Variants in LRP1B observed in about 807,000 individuals in gnomAD.
The protein encoded by LRP1B is low-density lipoprotein receptor-related protein 1B.
A neutral mutation model predicts 556.6 loss-of-function variants in LRP1B; 217 were observed. The observed-to-expected ratio is 0.39, with a 90% confidence interval of 0.35 to 0.44. The LOEUF is 0.44. Among genes scored for constraint, LRP1B ranks in the 20% least tolerant of loss-of-function variants. The pLI is 1.00. For synonymous variants in LRP1B, 2,047 were observed against 1,865.8 expected (o/e 1.10, Z -2.50); for missense variants, 5,053 against 5,620.8 (o/e 0.90, Z 3.23).
intron 1 of LRP1B, among the ~76,000 whole-genome samples, chr2:141,816,729 C>A (rs1206755592): frequency 1.3e-5 from 2 of 152,040 alleles, no homozygotes; most frequent in African/African-American, 4.8e-5. Context: ...AATACACCAC[C>A]CATCCTCAAT....
At chr2:141,100,144 C>G (rs1484802056) in intron 7 of LRP1B, among the ~76,000 whole-genome samples, 1 of 152,090 alleles carries the variant, frequency 6.6e-6, no homozygotes, top group African/African-American at 2.4e-5. Flanking sequence ...GATGTGAAAC[C>G]TAATATACCA....
chr2:141,107,535 A>G lies in LRP1B; in HGVS notation c.1014-45262T>C, dbSNP rs1031697742. Among the ~76,000 whole-genome samples the G allele has an allele frequency of 5.1e-4, 78 of 152,242 alleles. 1 individual carries two copies. The highest frequency in any genetic ancestry group is 1.6e-3 in the African/African-American group (66 of 41,544). ...GTGGTGTGTACCTGTAGTCCCAGCT[A>G]CTTGGGAGGCTGAAGCAGGAGAATT... On this transcript the variant is annotated intron_variant, in intron 7 of 90. Transcript: ENST00000389484.
At chr2:141,752,175 T>C (rs1434755215) in intron 2 of LRP1B, among the ~76,000 whole-genome samples, 2 of 152,190 alleles carry the variant, frequency 1.3e-5, no homozygotes, top group East Asian at 3.8e-4. Context: ...ACTAATTTTA[T>C]ATTTAATGGC....
intron 7 of LRP1B, among the ~76,000 whole-genome samples, chr2:141,082,463 A>G (rs1052321462): frequency 2.6e-5 from 4 of 152,246 alleles, no homozygotes; most frequent in African/African-American, 4.8e-5. Context: ...ATCAGAATAC[A>G]TGACTCTCTG....
chr2:140,927,458 T>G (rs1470278358), intron 20 of LRP1B, among the ~76,000 whole-genome samples: 1 of 152,170 alleles, frequency 6.6e-6, no homozygotes, highest in African/African-American at 2.4e-5. Flanking sequence ...TGTACCATTT[T>G]TAACTTCTTG....
intron 43 of LRP1B, among the ~76,000 whole-genome samples, chr2:140,585,231 C>T (rs897829759): frequency 2.0e-5 from 3 of 151,948 alleles, no homozygotes; most frequent in Non-Finnish European, 2.9e-5. Context: ...CAAGAATTAA[C>T]GTTTTAACTC....
chr2:141,893,789 C>A (rs1409899452), intron 1 of LRP1B, among the ~76,000 whole-genome samples: 1 of 152,256 alleles, frequency 6.6e-6, no homozygotes. Context: ...ACTCTGTTTA[C>A]TTTGAATGAA....
At chr2:140,593,396 C>T (rs1010653208) in intron 43 of LRP1B, among the ~76,000 whole-genome samples, 26 of 152,124 alleles carry the variant, frequency 1.7e-4, no homozygotes, top group African/African-American at 6.0e-4. Context: ...GTCTTAGCCC[C>T]TGTCAACATG....
rs1036505 is a variant in LRP1B at position 141,746,933 on chromosome 2, G to A, written c.205+63346C>T. Among the ~76,000 whole-genome samples, 644 of 151,888 alleles carry A rather than the reference G, an allele frequency of 4.2e-3. 5 individuals are homozygous for A. Among genetic ancestry groups the A allele is most frequent in the African/African-American group, 0.015 (618 of 41,454 alleles). On this transcript the variant is annotated intron_variant, in intron 2 of 90. Coordinates refer to ENST00000389484, the MANE Select transcript of LRP1B (RefSeq NM_018557.3). Reference sequence around the variant, plus strand: ...GCTTGCAAATAACAATGACTCTAACGGCATCAGAGTTTGCTTAAAAGCATC... The same window carrying A: ...GCTTGCAAATAACAATGACTCTAACAGCATCAGAGTTTGCTTAAAAGCATC...
intron 2 of LRP1B, among the ~76,000 whole-genome samples, chr2:141,665,570 T>G (rs1355948545): frequency 6.6e-6 from 1 of 152,200 alleles, no homozygotes; most frequent in Non-Finnish European, 1.5e-5. Context: ...GCAATCCCAT[T>G]GCTGATTTAT....
rs775505022 is a variant in LRP1B at position 140,700,437 on chromosome 2, A to G, written c.6612T>C (p.Asp2204=). Residue 2204 remains aspartate, a synonymous_variant, in exon 41 of 91, where the codon GAT becomes GAC. Coordinates refer to ENST00000389484, the MANE Select transcript of LRP1B (RefSeq NM_018557.3). The stretch of plus-strand genomic sequence containing the variant: ...TTATTGGGGAATTTAAATTGGTTTC[A>G]TCAGAAAGATGTATACTTTTTAATA... ...RTILKSIHLS[D]ETNLNSPIRP... is the part of the protein sequence containing the mutation. 6.2e-7 allele frequency: 1 copy of G among 1,613,330 alleles called. No homozygotes were observed. Among genetic ancestry groups the G allele is most frequent in the African/African-American group, 1.3e-5 (1 of 75,006 alleles).
intron 89 of LRP1B, among the ~76,000 whole-genome samples, chr2:140,235,399 T>C (rs1233825079): frequency 6.6e-6 from 1 of 151,178 alleles, no homozygotes; most frequent in East Asian, 2.0e-4. Flanking sequence ...GATTGCACCA[T>C]GCATATATCA....
chr2:140,341,155 A>G (rs1314712787), intron 77 of LRP1B, among the ~76,000 whole-genome samples: 1 of 151,642 alleles, frequency 6.6e-6, no homozygotes, highest in Non-Finnish European at 1.5e-5. Context: ...GTGTTCTTAT[A>G]TCTCAGTGTC....
At chr2:141,976,797 T>G (rs990389638) in intron 1 of LRP1B, among the ~76,000 whole-genome samples, 2 of 151,988 alleles carry the variant, frequency 1.3e-5, no homozygotes, top group African/African-American at 4.8e-5. Flanking sequence ...AAAAGGAGGA[T>G]GTGTAGGAGA....
chr2:141,497,579 G>A (rs559247382), intron 2 of LRP1B, among the ~76,000 whole-genome samples: 190 of 152,008 alleles, frequency 1.2e-3, no homozygotes, highest in Non-Finnish European at 2.4e-3. Context: ...AAGAAATCAG[G>A]CGATGATAGA....
intron 3 of LRP1B, among the ~76,000 whole-genome samples, chr2:141,283,971 A>G (rs945288748): frequency 2.0e-5 from 3 of 152,204 alleles, no homozygotes; most frequent in Admixed American, 1.3e-4. Context: ...GGAAGAGTAG[A>G]TGAGGTCACA....
At chr2:141,896,915 G>T (rs1699471208) in intron 1 of LRP1B, among the ~76,000 whole-genome samples, 1 of 152,058 alleles carries the variant, frequency 6.6e-6, no homozygotes, top group Non-Finnish European at 1.5e-5. Flanking sequence ...CCTGTCTCTT[G>T]ATAAGTTGAT....
intron 18 of LRP1B, among the ~76,000 whole-genome samples, chr2:140,959,421 C>T (rs1695969520): frequency 6.6e-6 from 1 of 151,102 alleles, no homozygotes; most frequent in Admixed American, 6.6e-5. Flanking sequence ...TCTTCCAAGT[C>T]AAAGAATAAA....
intron 5 of LRP1B, among the ~76,000 whole-genome samples, chr2:141,242,661 C>T (rs928602836): frequency 6.6e-6 from 1 of 152,062 alleles, no homozygotes; most frequent in Non-Finnish European, 1.5e-5. Flanking sequence ...GAGGTACACT[C>T]TCAAAGGGCA....
Sources: gnomAD v4.1 joint callset for allele counts (sites outside exome capture counted in the v4.1 genomes callset) on GRCh38, gnomAD v4.1.1 for gene constraint, MANE v1.5 for transcripts, NCBI Gene and HGNC (gene_info 2026-07-23, HGNC 2026-07-21) for gene names.